Variants in RAB23 observed in about 807,000 individuals in gnomAD.
RAB23 encodes RAB23, member RAS oncogene family, also known as ras-related protein Rab-23.
In RAB23, 15 loss-of-function variants were observed where a neutral mutation model predicts 30.0. The observed-to-expected ratio is 0.50, with a 90% CI of 0.33 to 0.77. The LOEUF (loss-of-function observed/expected upper bound fraction) is 0.77, where lower values mean the gene tolerates loss of function less well. Among genes scored for constraint, RAB23 ranks in the 30% least tolerant of loss-of-function variants. The probability of loss-of-function intolerance (pLI) is 0.02; values close to 1 mark genes in which losing one functional copy is unlikely to be tolerated. For synonymous variants in RAB23, 93 were observed against 94.0 expected (o/e 0.99, Z 0.06); for missense variants, 243 against 275.4 (o/e 0.88, Z 0.83).
At chr6:57,201,136 T>A (rs1593216089) in intron 3 of RAB23, among the ~76,000 whole-genome samples, 1 of 150,028 alleles carries the variant, frequency 6.7e-6, no homozygotes, top group Non-Finnish European at 1.5e-5. Flanking sequence ...CAGGCTGGAG[T>A]GCAGTGGCAT....
chr6:57,221,009 G>A (rs1223726749), intron 1 of RAB23, among the ~76,000 whole-genome samples: 1 of 152,054 alleles, frequency 6.6e-6, no homozygotes, highest in African/African-American at 2.4e-5. Context: ...ATACTTCTGA[G>A]TACAATTAAA....
At chr6:57,218,286 C>T (rs1261326329) in intron 1 of RAB23, among the ~76,000 whole-genome samples, 1 of 152,074 alleles carries the variant, frequency 6.6e-6, no homozygotes, top group Non-Finnish European at 1.5e-5. Context: ...CTCTTCTGAA[C>T]AAAGATGTAA....
At chr6:57,210,164 C>T (rs1765599140) in intron 2 of RAB23, 62 bp downstream of exon 2, 2 of 1,542,186 alleles carry the variant, frequency 1.3e-6, no homozygotes, top group South Asian at 2.2e-5. Flanking sequence ...ACTATTACTC[C>T]AATGAGTCTT....
intron 1 of RAB23, among the ~76,000 whole-genome samples, chr6:57,221,158 T>C (rs753671898): frequency 1.5e-4 from 23 of 152,258 alleles, no homozygotes; most frequent in Non-Finnish European, 2.6e-4. Flanking sequence ...ACAGCCTTTA[T>C]TTAAGTAGAA....
At chr6:57,221,533 G>A (rs1267693050) in intron 1 of RAB23, 193 bp downstream of exon 1, 1 of 152,528 alleles carries the variant, frequency 6.6e-6, no homozygotes, top group Non-Finnish European at 1.5e-5. Flanking sequence ...GGGTGGAGCT[G>A]AGGACTCTCT....
intron 1 of RAB23, among the ~76,000 whole-genome samples, chr6:57,221,109 G>A (rs543917058): frequency 1.3e-5 from 2 of 152,172 alleles, no homozygotes; most frequent in East Asian, 3.9e-4. Flanking sequence ...AGAAGCAAAG[G>A]GTGAGTTAAC....
At chr6:57,210,827 C>T (rs1410534335) in intron 1 of RAB23, among the ~76,000 whole-genome samples, 4 of 152,120 alleles carry the variant, frequency 2.6e-5, no homozygotes, top group South Asian at 2.1e-4. Flanking sequence ...CCATCTCATA[C>T]GGTTATTGAT....
At chr6:57,216,354 T>G (rs1043272937) in intron 1 of RAB23, among the ~76,000 whole-genome samples, 1 of 152,184 alleles carries the variant, frequency 6.6e-6, no homozygotes, top group African/African-American at 2.4e-5. Flanking sequence ...AAGCAGGTAC[T>G]CTCAAAAACA....
chr6:57,188,031 T>A lies in RAB23; in HGVS notation c.*2430A>T, dbSNP rs1764676094. 6.6e-6 allele frequency: 1 copy of A among 152,176 alleles called. No individual in the cohort carries two copies. Among genetic ancestry groups the A allele is most frequent in the African/African-American group, 2.4e-5 (1 of 41,444 alleles). 9.4% of individuals were successfully genotyped at this position (152,176 alleles called of 1,614,324 possible). Reference sequence around the variant, plus strand: ...CTGAGGAACTCTGAAATATGGCAGTTATTCCACAGCGATATGTCTACGCAA... The same window carrying A: ...CTGAGGAACTCTGAAATATGGCAGTAATTCCACAGCGATATGTCTACGCAA... On this transcript the variant is annotated 3_prime_UTR_variant, in exon 7 of 7. Transcript: ENST00000468148.
intron 3 of RAB23, among the ~76,000 whole-genome samples, chr6:57,199,100 T>G (rs898725477): frequency 1.3e-5 from 2 of 152,246 alleles, no homozygotes; most frequent in African/African-American, 4.8e-5. Flanking sequence ...CAGAGGCCTG[T>G]GGCTGCATGC....
At chr6:57,218,482 A>C (rs987943223) in intron 1 of RAB23, among the ~76,000 whole-genome samples, 2 of 152,250 alleles carry the variant, frequency 1.3e-5, no homozygotes, top group African/African-American at 4.8e-5. Flanking sequence ...TGCAGAAGAA[A>C]TATTGACAAA....
At chr6:57,216,204 G>A (rs901654811) in intron 1 of RAB23, among the ~76,000 whole-genome samples, 3 of 152,170 alleles carry the variant, frequency 2.0e-5, no homozygotes, top group Admixed American at 1.3e-4. Flanking sequence ...ATGTGTAGTA[G>A]GCTATACCAT....
chr6:57,202,170 T>C (rs1317552204), intron 3 of RAB23, among the ~76,000 whole-genome samples: 2 of 152,220 alleles, frequency 1.3e-5, no homozygotes, highest in Non-Finnish European at 2.9e-5. Flanking sequence ...ACCACTACAT[T>C]TGTATCTTAA....
Position 57,196,526 on chromosome 6 carries a change from C to G in RAB23, c.322G>C (p.Val108Leu). ...GTTGGTATATCTCCCACTTCGGCTA[C>G]TACTTTCTCTCTCCAACTGGAAACT... Reference protein sequence around the residue: ...EAVSSWREKVVAEVGDIPTVL... With the variant: ...EAVSSWREKVLAEVGDIPTVL... The change falls in exon 4 of 7, where the codon GTA (valine) becomes CTA (leucine). Residue 108 changes from valine to leucine, a missense_variant. Transcript: ENST00000468148. 6.2e-7 allele frequency: 1 copy of G among 1,614,044 alleles called. No individual in the cohort carries two copies. Among genetic ancestry groups the G allele is most frequent in the Non-Finnish European group, 8.5e-7 (1 of 1,179,976 alleles).
rs773619958 is a variant in RAB23, at chr6:57,190,465, GGT to G, written c.708_709del (p.Pro237LeufsTer17). 4.3e-6 allele frequency: 7 copies of G among 1,613,910 alleles called. No individual in the cohort carries two copies. The highest frequency in any genetic ancestry group is 1.3e-5 in the African/African-American group (1 of 75,010). On this transcript the variant is annotated frameshift_variant, in exon 7 of 7. Transcript: ENST00000468148. LOFTEE classifies it high-confidence loss of function. ...TTGTTTTCCTCCCAAAACATCTTAG[GGT>G]ATGCTACAGCTGCTAAAAGGATTTC...
At chr6:57,203,151 G>A (rs1225605532) in intron 3 of RAB23, among the ~76,000 whole-genome samples, 13 of 151,682 alleles carry the variant, frequency 8.6e-5, no homozygotes, top group Non-Finnish European at 2.9e-5. Context: ...GATTACAGGT[G>A]TGCGCCACCA....
In RAB23 at chr6:57,207,627, C is replaced by A. The variant is rs1004804090; in HGVS notation, c.241+1G>T. On this transcript the variant is annotated splice_donor_variant, in intron 3 of 6. Transcript: ENST00000468148. LOFTEE classifies it high-confidence loss of function. ...ATAAATAAATAAATCCTGTGTTTTA[C>A]CTCGATAGTAGGCCTTTGTAATTGC... 1 of 1,583,524 alleles carries A rather than the reference C, an allele frequency of 6.3e-7. No individual in the cohort carries two copies. The highest frequency in any genetic ancestry group is 1.3e-5 in the African/African-American group (1 of 74,176).
chr6:57,193,819 G>A, intron 6 of RAB23, 23 bp downstream of exon 6: 1 of 1,610,034 alleles, frequency 6.2e-7, no homozygotes, highest in Non-Finnish European at 8.5e-7. Context: ...GTAAACATGG[G>A]CTAAAATTTC....
Position 57,187,144 on chromosome 6 carries a change from T to C in RAB23, c.*3317A>G, listed in dbSNP as rs1401650079. On this transcript the variant is annotated 3_prime_UTR_variant, in exon 7 of 7. Coordinates refer to ENST00000468148, the MANE Select transcript of RAB23 (RefSeq NM_016277.5). ...TCCATTCAAATTTACAAAAGCATTA[T>C]TTATTAGTAATAAAAATATAGAAGG... is the stretch of plus-strand genomic sequence containing the variant. 1 of 152,226 alleles carries C rather than the reference T, an allele frequency of 6.6e-6. No individual in the cohort carries two copies. The highest frequency in any genetic ancestry group is 1.5e-5 in the Non-Finnish European group (1 of 68,036). The allele number at this position is 152,226 out of a possible 1,614,324, so 9.4% of individuals were successfully genotyped here.
Sources: allele counts gnomAD v4.1 joint callset (sites outside exome capture counted in the v4.1 genomes callset), GRCh38; gene constraint gnomAD v4.1.1; transcripts MANE v1.5; gene names NCBI Gene and HGNC (gene_info 2026-07-23, HGNC 2026-07-21).